Variants in ZFYVE28 observed in about 807,000 individuals in gnomAD.
ZFYVE28 encodes the protein lateral signaling target protein 2 homolog.
A neutral mutation model predicts 82.1 loss-of-function variants in ZFYVE28; 40 were observed. That is an observed-to-expected ratio of 0.49 (90% CI 0.38 to 0.63). ZFYVE28 has a LOEUF of 0.63. Among genes scored for constraint, ZFYVE28 ranks in the 30% least tolerant of loss-of-function variants. The pLI is 0.00. For synonymous variants in ZFYVE28, 612 were observed against 546.1 expected (o/e 1.12, Z -1.68); for missense variants, 1,321 against 1,242.1 (o/e 1.06, Z -0.96).
chr4:2,273,946 G>T, intron 9 of ZFYVE28, 116 bp downstream of exon 9: 2 of 1,201,296 alleles, frequency 1.7e-6, no homozygotes, highest in East Asian at 2.4e-5. Flanking sequence ...GGGGCAGAGT[G>T]GGCTGCTGTT....
intron 2 of ZFYVE28, among the ~76,000 whole-genome samples, chr4:2,346,387 A>G (rs1723601273): frequency 6.6e-6 from 1 of 151,946 alleles, no homozygotes; most frequent in Non-Finnish European, 1.5e-5. Context: ...CTTTCAAGCA[A>G]AAAGAAAATG....
chr4:2,375,775 T>C (rs1305137374), intron 1 of ZFYVE28, among the ~76,000 whole-genome samples: 3 of 152,190 alleles, frequency 2.0e-5, no homozygotes, highest in South Asian at 4.1e-4. Context: ...AACCCTACCA[T>C]GTGGGGCGAT....
At chr4:2,327,699 T>C (rs1264813737) in intron 6 of ZFYVE28, among the ~76,000 whole-genome samples, 1 of 152,222 alleles carries the variant, frequency 6.6e-6, no homozygotes, top group Non-Finnish European at 1.5e-5. Flanking sequence ...GAGATGATCA[T>C]ATGGTTTTTT....
chr4:2,403,716 G>A (rs747447988), intron 1 of ZFYVE28, among the ~76,000 whole-genome samples: 3 of 152,154 alleles, frequency 2.0e-5, no homozygotes, highest in Non-Finnish European at 2.9e-5. Context: ...TGTAATCCCA[G>A]CACTTTGGGA....
intron 7 of ZFYVE28, among the ~76,000 whole-genome samples, chr4:2,313,025 GAC>G (rs1250094254): frequency 1.3e-5 from 2 of 151,944 alleles, no homozygotes; most frequent in Non-Finnish European, 2.9e-5. Flanking sequence ...CAGCCTGGGT[GAC>G]AGAGTAAGAC....
At chr4:2,288,352 A>T (rs1056139908) in intron 8 of ZFYVE28, among the ~76,000 whole-genome samples, 1 of 152,234 alleles carries the variant, frequency 6.6e-6, no homozygotes, top group African/African-American at 2.4e-5. Flanking sequence ...AATGAGGGCA[A>T]GTCCTGATCT....
At position 2,271,771 on chromosome 4, in the gene ZFYVE28, T is replaced by C. The variant is rs1214337840; in HGVS notation, c.2332A>G (p.Thr778Ala). ...DKEKLRKVTQ[T>A]LRSAALEDCA... ...TCCTCCAAGGCCGCACTCCGCAGAGTCTGGGTGACTAGTGGAGAAGGGGGG... is the reference window on the plus strand; with the variant it reads ...TCCTCCAAGGCCGCACTCCGCAGAGCCTGGGTGACTAGTGGAGAAGGGGGG... Residue 778 changes from threonine to alanine, a missense_variant, in exon 11 of 13, where the codon ACT (threonine) becomes GCT (alanine). By Grantham distance (58) the Thr-to-Ala change is moderately conservative (BLOSUM62 0). This residue lies in a region of ZFYVE28 where 978 missense variants were observed against 833.7 expected (regional missense o/e 1.17). Transcript: ENST00000290974. The C allele has an allele frequency of 1.9e-6, 3 of 1,613,198 alleles. No individual in the cohort carries two copies. Among genetic ancestry groups the C allele is most frequent in the Non-Finnish European group, 2.5e-6 (3 of 1,179,684 alleles).
intron 6 of ZFYVE28, among the ~76,000 whole-genome samples, chr4:2,333,118 C>A (rs949670790): frequency 2.0e-4 from 31 of 151,910 alleles, no homozygotes; most frequent in African/African-American, 6.8e-4. Context: ...AGGAGGGGAC[C>A]CGCGGGACAA....
intron 2 of ZFYVE28, among the ~76,000 whole-genome samples, chr4:2,343,812 T>A (rs1216953768): frequency 6.6e-6 from 1 of 152,350 alleles, no homozygotes; most frequent in East Asian, 1.9e-4. Flanking sequence ...GTGCTTGGAT[T>A]CATTGCCCAG....
At chr4:2,327,509 C>T (rs1435469369) in intron 6 of ZFYVE28, among the ~76,000 whole-genome samples, 1 of 151,570 alleles carries the variant, frequency 6.6e-6, no homozygotes, top group Non-Finnish European at 1.5e-5. Flanking sequence ...ATAACGTTAG[C>T]TGTGGGCTTC....
At chr4:2,388,963 G>C (rs1422500911) in intron 1 of ZFYVE28, among the ~76,000 whole-genome samples, 3 of 152,076 alleles carry the variant, frequency 2.0e-5, no homozygotes, top group Non-Finnish European at 2.9e-5. Flanking sequence ...AGAGGGAGTG[G>C]CCAAGGCAGC....
chr4:2,367,325 T>G (rs1726988851), intron 1 of ZFYVE28, among the ~76,000 whole-genome samples: 1 of 152,058 alleles, frequency 6.6e-6, no homozygotes, highest in South Asian at 2.1e-4. Flanking sequence ...ATCAATTCCA[T>G]TCCCACTGTG....
At position 2,304,335 on chromosome 4, in the gene ZFYVE28, C is replaced by A; in HGVS notation, c.2005G>T (p.Gly669Trp). The stretch of plus-strand genomic sequence containing the variant: ...GGCGCCTCGTGAGCCGAGGGGCTCC[C>A]AGCATGCAGCTCTCTGGCCTCTGGC... ...QEPEARELHAGSPSAHEAPQA... is the reference protein window; with the variant it reads ...QEPEARELHAWSPSAHEAPQA... The change falls in exon 8 of 13, where the codon GGG becomes TGG. Residue 669 changes from glycine to tryptophan, a missense_variant. This residue lies in a region of ZFYVE28 where 978 missense variants were observed against 833.7 expected (regional missense o/e 1.17). Coordinates refer to ENST00000290974, the MANE Select transcript of ZFYVE28 (RefSeq NM_020972.3). The A allele has an allele frequency of 6.2e-7, 1 of 1,605,216 alleles. No individual in the cohort carries two copies. Among genetic ancestry groups the A allele is most frequent in the Non-Finnish European group, 8.5e-7 (1 of 1,179,012 alleles).
In ZFYVE28 at chr4:2,304,958, T is replaced by G. The variant is rs373919471; in HGVS notation, c.1382A>C (p.Asn461Thr). 14 of 1,612,534 alleles carry G rather than the reference T, an allele frequency of 8.7e-6. No homozygotes were observed. The African/African-American group carries it at 1.7e-4, about 20-fold the overall frequency. ...ATCTGTGCCCTCGGCCTCGAGATTG[T>G]TGTTGCTCAAGTCCTCCTCCTTTTC... ...ASEKEEDLSNNNLEAEGTDGA... is the reference protein window; with the variant it reads ...ASEKEEDLSNTNLEAEGTDGA... Residue 461 changes from asparagine (N) to threonine (T), a missense_variant, in exon 8 of 13, where the codon AAC becomes ACC. Physicochemically the swap from Asn to Thr is moderately conservative, Grantham distance 65. Transcript: ENST00000290974.
intron 1 of ZFYVE28, among the ~76,000 whole-genome samples, chr4:2,413,554 C>T (rs1732739535): frequency 6.6e-6 from 1 of 152,224 alleles, no homozygotes. Flanking sequence ...AGAGGGAGCA[C>T]CGCCGGGCTC....
chr4:2,308,627 C>CAGAAAGAAAGAAAGGAAGAA (rs1716953157), intron 7 of ZFYVE28, among the ~76,000 whole-genome samples: 1 of 79,522 alleles, frequency 1.3e-5, no homozygotes, highest in Non-Finnish European at 2.4e-5. Context: ...AGAAAGAAGA[C>CAGAAAGAAAGAAAGGAAGAA]AGAAAGAAAG....
At chr4:2,412,293 C>T (rs1045921757) in intron 1 of ZFYVE28, among the ~76,000 whole-genome samples, 1 of 152,176 alleles carries the variant, frequency 6.6e-6, no homozygotes, top group African/African-American at 2.4e-5. Flanking sequence ...ACATGAAACC[C>T]TAAGGTAGCT....
chr4:2,330,630 G>C (rs1720529776), intron 6 of ZFYVE28: 1 of 1,376,370 alleles, frequency 7.3e-7, no homozygotes, highest in Non-Finnish European at 9.4e-7. Flanking sequence ...GGACAGCATA[G>C]AGGAGGGGAC....
At chr4:2,397,957 C>T (rs939789301) in intron 1 of ZFYVE28, among the ~76,000 whole-genome samples, 1 of 145,196 alleles carries the variant, frequency 6.9e-6, no homozygotes, top group Non-Finnish European at 1.5e-5. Context: ...AGGCGGGTTT[C>T]CAGGTGTGAG....
Sources: gnomAD v4.1 joint callset for allele counts (sites outside exome capture counted in the v4.1 genomes callset) on GRCh38, gnomAD v4.1.1 for gene constraint, gnomAD v4.1.1 regional missense constraint, MANE v1.5 for transcripts, NCBI Gene and HGNC (gene_info 2026-07-23, HGNC 2026-07-21) for gene names.